The following WNT8A variants were observed in gnomAD, a reference collection of about 807,000 sequenced individuals.
WNT8A encodes the protein Wnt family member 8A, also known as protein Wnt-8a.
Under a neutral mutation model 20.5 loss-of-function variants are expected in WNT8A, and 14 were observed. The ratio of observed to expected loss-of-function variants is 0.68; its 90% CI spans 0.45 to 1.07. The LOEUF is 1.07. WNT8A is among the 50% of genes least tolerant of loss of function. The pLI is 0.00. For missense variants in WNT8A, 397 were observed against 462.9 expected (o/e 0.86, Z 1.31); for synonymous variants, 167 against 169.2 (o/e 0.99, Z 0.10).
chr5:138,091,369 G>A lies in WNT8A; in HGVS notation c.*296G>A. The stretch of plus-strand genomic sequence containing the variant: ...TGCAGCTTTCTACAGGGAGAGTTTG[G>A]TTTGGGGTCTATATCTAGAGGGACC... On this transcript the variant is annotated 3_prime_UTR_variant, in exon 5 of 5. Coordinates refer to ENST00000506684, the MANE Select transcript of WNT8A (RefSeq NM_001300939.2). 1 of 1,414,380 alleles carries A rather than the reference G, an allele frequency of 7.1e-7. No individual in the cohort carries two copies. Among genetic ancestry groups the A allele is most frequent in the Non-Finnish European group, 9.4e-7 (1 of 1,063,236 alleles). The allele number at this position is 1,414,380 out of a possible 1,614,324, so 87.6% of individuals were successfully genotyped here.
chr5:138,084,373 C>A, intron 1 of WNT8A, 90 bp downstream of exon 1: 2 of 1,560,194 alleles, frequency 1.3e-6, no homozygotes, highest in Non-Finnish European at 1.7e-6. Context: ...GTGCCAGAGC[C>A]CCTCACCCAG....
Position 138,091,499 on chromosome 5 carries a change from C to A in WNT8A, c.*426C>A, listed in dbSNP as rs751494923. On this transcript the variant is annotated 3_prime_UTR_variant, in exon 5 of 5. Transcript: ENST00000506684. Reference sequence around the variant, plus strand: ...AAACGAAAGAGTTCTGTTCAGACTTCTGAAGAGCAGCCTGTGGCTACAAAT... The same window carrying A: ...AAACGAAAGAGTTCTGTTCAGACTTATGAAGAGCAGCCTGTGGCTACAAAT... The A allele has an allele frequency of 1.4e-5, 19 of 1,341,724 alleles. No individual in the cohort carries two copies. The South Asian group carries it at 1.6e-4, about 11-fold the overall frequency. The allele number at this position is 1,341,724 out of a possible 1,614,324, so 83.1% of individuals were successfully genotyped here.
intron 2 of WNT8A, 85 bp from the exon 3 acceptor site, chr5:138,087,721 A>C: frequency 1.5e-6 from 2 of 1,298,922 alleles, no homozygotes. Flanking sequence ...GGGATAAGGG[A>C]GATAAACAGT....
At chr5:138,088,871 G>C in intron 3 of WNT8A, 56 bp from the exon 4 acceptor site, 2 of 1,586,740 alleles carry the variant, frequency 1.3e-6, no homozygotes, top group Non-Finnish European at 8.6e-7. Context: ...GGTTTGGCGG[G>C]TGACTGGGAC....
intron 2 of WNT8A, among the ~76,000 whole-genome samples, chr5:138,085,807 T>C (rs1334776518): frequency 7.5e-6 from 1 of 132,526 alleles, no homozygotes; most frequent in Non-Finnish European, 1.5e-5. Flanking sequence ...TGAGCTATGA[T>C]CACACCACTA....
In WNT8A at chr5:138,084,162, G is replaced by A; in HGVS notation, c.35G>A (p.Ser12Asn). 1 of 1,614,166 alleles carries A rather than the reference G, an allele frequency of 6.2e-7. No homozygotes were observed. The highest frequency in any genetic ancestry group is 8.5e-7 in the Non-Finnish European group (1 of 1,180,032). Residue 12 changes from serine to asparagine, a missense_variant, in exon 1 of 5, where the codon AGT (serine) becomes AAT (asparagine). Coordinates refer to ENST00000506684, the MANE Select transcript of WNT8A (RefSeq NM_001300939.2). ...TGCATTCAGTGCCTCTGCCTGGTAAGTCCTTTCCCAACCCTCACTCCTTGC... is the reference window on the plus strand; with the variant it reads ...TGCATTCAGTGCCTCTGCCTGGTAAATCCTTTCCCAACCCTCACTCCTTGC... ...LCCIQCLCLVSPFPTLTPCQG... is the reference protein window; with the variant it reads ...LCCIQCLCLVNPFPTLTPCQG...
chr5:138,084,643 T>C lies in WNT8A; in HGVS notation c.295+7T>C. 1 of 1,603,148 alleles carries C rather than the reference T, an allele frequency of 6.2e-7. No individual in the cohort carries two copies. The highest frequency in any genetic ancestry group is 1.1e-5 in the South Asian group (1 of 89,028). On this transcript the variant is annotated splice_region_variant and intron_variant, in intron 2 of 4. Transcript: ENST00000506684. The stretch of plus-strand genomic sequence containing the variant: ...CACAACAGGCTGAGAAGTGGTAAGT[T>C]TGTGTGGGACTCACCTGTACAAGGG...
At position 138,091,033 on chromosome 5, in the gene WNT8A, C is replaced by G. The variant is rs764613419; in HGVS notation, c.1070C>G (p.Ser357Cys). The change falls in exon 5 of 5, where the codon TCC (serine) becomes TGC (cysteine). Residue 357 changes from serine (S) to cysteine (C), a missense_variant. Coordinates refer to ENST00000506684, the MANE Select transcript of WNT8A (RefSeq NM_001300939.2). Reference sequence around the variant, plus strand: ...GTGAGCAAGTATTACTGCGCACGCTCCCCAGGCAGTGCCCAGTCCCTGGGT... The same window carrying G: ...GTGAGCAAGTATTACTGCGCACGCTGCCCAGGCAGTGCCCAGTCCCTGGGT... ...HVVSKYYCARSPGSAQSLGKG... is the reference protein window; with the variant it reads ...HVVSKYYCARCPGSAQSLGKG... 3.1e-6 allele frequency: 5 copies of G among 1,613,420 alleles called. No homozygotes were observed. The highest frequency in any genetic ancestry group is 4.2e-6 in the Non-Finnish European group (5 of 1,179,682).
Position 138,089,017 on chromosome 5 carries a change from G to C in WNT8A, c.512G>C (p.Gly171Ala). ...CTCTTTGTGGACAGTTTGGAGAAGG[G>C]GAAGGATGCCAGAGCCCTGATGAAT... ...SKLFVDSLEK[G>A]KDARALMNLH... Residue 171 changes from glycine (G) to alanine (A), a missense_variant, in exon 4 of 5, where the codon GGG becomes GCG. Coordinates refer to ENST00000506684, the MANE Select transcript of WNT8A (RefSeq NM_001300939.2). 9 of 1,613,848 alleles carry C rather than the reference G, an allele frequency of 5.6e-6. No individual in the cohort carries two copies. The highest frequency in any genetic ancestry group is 7.6e-6 in the Non-Finnish European group (9 of 1,180,030).
chr5:138,082,916 T>TA (rs66648031), upstream of WNT8A, among the ~76,000 whole-genome samples: 20,546 of 140,776 alleles, frequency 0.15, 1,558 homozygotes, highest in Non-Finnish European at 0.16. Context: ...AATAAATAAA[T>TA]AAATAAAATA....
In WNT8A at chr5:138,090,585, A is replaced by C; in HGVS notation, c.622A>C (p.Ser208Arg). The change falls in exon 5 of 5, where the codon AGC becomes CGC. Residue 208 changes from serine (S) to arginine (R), a missense_variant. Physicochemically the swap from Ser to Arg is moderately radical, Grantham distance 110. Transcript: ENST00000506684. ...ATGTCATGGCATCTCTGGGAGCTGCAGCATACAGACATGCTGGCTGCAGCT... is the reference window on the plus strand; with the variant it reads ...ATGTCATGGCATCTCTGGGAGCTGCCGCATACAGACATGCTGGCTGCAGCT... The part of the protein sequence containing the change: ...CKCHGISGSC[S>R]IQTCWLQLAE... 6.2e-7 allele frequency: 1 copy of C among 1,614,190 alleles called. No individual in the cohort carries two copies. The highest frequency in any genetic ancestry group is 8.5e-7 in the Non-Finnish European group (1 of 1,180,030).
chr5:138,091,828 AAAATAAAT>A (rs200860443), downstream of WNT8A, among the ~76,000 whole-genome samples: 368 of 134,932 alleles, frequency 2.7e-3, 2 homozygotes, highest in African/African-American at 6.3e-3. Flanking sequence ...CCCTGACTAA[AAAATAAAT>A]AAATAAATAA....
upstream of WNT8A, among the ~76,000 whole-genome samples, chr5:138,082,676 G>A (rs1232284469): frequency 6.6e-6 from 1 of 151,570 alleles, no homozygotes; most frequent in Non-Finnish European, 1.5e-5. Context: ...TTAAGAGATC[G>A]AGACCATCCC....
upstream of WNT8A, among the ~76,000 whole-genome samples, chr5:138,083,361 A>G (rs902416456): frequency 2.0e-5 from 3 of 152,140 alleles, no homozygotes; most frequent in Non-Finnish European, 4.4e-5. Context: ...TCTCAGATAT[A>G]TAAAAAATCA....
chr5:138,078,729 A>G, the WNT8A span, among the ~76,000 whole-genome samples: 1 of 152,116 alleles, frequency 6.6e-6, no homozygotes, highest in East Asian at 1.9e-4. Context: ...TTCTCTCTCT[A>G]TGGGACTCAG....
At chr5:138,081,728 A>C (rs1044231986), upstream of WNT8A, among the ~76,000 whole-genome samples, 3 of 152,172 alleles carry the variant, frequency 2.0e-5, no homozygotes, top group East Asian at 3.8e-4. Flanking sequence ...TTAGTCCATT[A>C]GGACTTTTTG....
At chr5:138,084,332 G>C (rs915175214) in intron 1 of WNT8A, 49 bp downstream of exon 1, 2 of 1,603,304 alleles carry the variant, frequency 1.2e-6, no homozygotes, top group African/African-American at 2.7e-5. Context: ...GCCCTAAGGG[G>C]ACTCTTCTGG....
In WNT8A at chr5:138,090,557, C is replaced by A. The variant is rs1561577590; in HGVS notation, c.594C>A (p.Cys198Ter). The change falls in exon 5 of 5, where the codon TGC (cysteine) becomes TGA (stop). Residue 198 changes from cysteine (C) to a stop codon, truncating the protein, a stop_gained. Coordinates refer to ENST00000506684, the MANE Select transcript of WNT8A (RefSeq NM_001300939.2). LOFTEE classifies it low-confidence loss of function (END_TRUNC). The stretch of plus-strand genomic sequence containing the variant: ...TGAGAGCCACCATGAAAAGGACATG[C>A]AAATGTCATGGCATCTCTGGGAGCT... ...LAVRATMKRTCKCHGISGSCS... is the reference protein window; with the variant it reads ...LAVRATMKRT 1 of 1,614,102 alleles carries A rather than the reference C, an allele frequency of 6.2e-7. No individual in the cohort carries two copies.
chr5:138,091,213 G>C lies in WNT8A; in HGVS notation c.*140G>C, dbSNP rs1176143187. 22 of 1,542,300 alleles carry C rather than the reference G, an allele frequency of 1.4e-5. No individual in the cohort carries two copies. In the South Asian group the frequency reaches 1.7e-4, roughly 12 times the overall value. On this transcript the variant is annotated 3_prime_UTR_variant, in exon 5 of 5. Coordinates refer to ENST00000506684, the MANE Select transcript of WNT8A (RefSeq NM_001300939.2). Reference sequence around the variant, plus strand: ...CCTCATGATATCTGCTATCAGTGGGGAAAATGGAGGCCCAAGATTCTACAG... The same window carrying C: ...CCTCATGATATCTGCTATCAGTGGGCAAAATGGAGGCCCAAGATTCTACAG...
Sources: allele counts gnomAD v4.1 joint callset (sites outside exome capture counted in the v4.1 genomes callset), GRCh38; gene constraint gnomAD v4.1.1; transcripts MANE v1.5; gene names NCBI Gene and HGNC (gene_info 2026-07-23, HGNC 2026-07-21).